The following TSNAX variants were observed in gnomAD, a reference collection of about 807,000 sequenced individuals.
The protein encoded by TSNAX is translin associated factor X.
TSNAX carries 12 observed loss-of-function variants against 33.0 expected under a neutral mutation model. The ratio of observed to expected loss-of-function variants is 0.36; its 90% confidence interval spans 0.23 to 0.59. The LOEUF (loss-of-function observed/expected upper bound fraction) is 0.59, where lower values mean the gene tolerates loss of function less well. Ranked by LOEUF, TSNAX falls within the 20% of genes least tolerant of loss-of-function variation. TSNAX has a pLI of 0.74. For synonymous variants in TSNAX, 110 were observed against 117.2 expected, an observed-to-expected ratio of 0.94 and a Z score of 0.40; for missense variants, 267 against 341.3, an observed-to-expected ratio of 0.78 and a Z score of 1.72.
intron 4 of TSNAX, among the ~76,000 whole-genome samples, chr1:231,552,556 CAG>C (rs1660390544): frequency 2.2e-5 from 1 of 44,928 alleles, no homozygotes; most frequent in African/African-American, 3.0e-4. Context: ...CATGTGGTAC[CAG>C]AGAAATAGTT....
At chr1:231,540,063 A>T (rs1318585300) in intron 3 of TSNAX, among the ~76,000 whole-genome samples, 1 of 150,896 alleles carries the variant, frequency 6.6e-6, no homozygotes, top group Non-Finnish European at 1.5e-5. Flanking sequence ...CATCCCAGCT[A>T]CTCGGGAGGC....
intron 4 of TSNAX, among the ~76,000 whole-genome samples, chr1:231,543,763 A>C (rs1222697704): frequency 6.6e-6 from 1 of 152,228 alleles, no homozygotes; most frequent in African/African-American, 2.4e-5. Flanking sequence ...AGTGTAAAAC[A>C]GTTCTGTGAG....
chr1:231,545,022 TCTGTAAAAAG>T (rs1173933753), intron 4 of TSNAX, among the ~76,000 whole-genome samples: 3 of 152,222 alleles, frequency 2.0e-5, no homozygotes, highest in African/African-American at 7.2e-5. Context: ...CTGTATCTTT[TCTGTAAAAAG>T]TCTTTAAAAT....
At chr1:231,548,822 A>G (rs1016363596) in intron 4 of TSNAX, among the ~76,000 whole-genome samples, 1 of 152,246 alleles carries the variant, frequency 6.6e-6, no homozygotes, top group Non-Finnish European at 1.5e-5. Flanking sequence ...TATAAATTGT[A>G]GTTAATTTTA....
At chr1:231,564,408 T>C in intron 5 of TSNAX, 120 bp from the exon 6 acceptor site, 2 of 1,472,280 alleles carry the variant, frequency 1.4e-6, no homozygotes, top group South Asian at 3.1e-5. Flanking sequence ...GTATGACTGA[T>C]TTGCTATTGA....
At chr1:231,560,072 C>T (rs957402247) in intron 4 of TSNAX, among the ~76,000 whole-genome samples, 11 of 151,162 alleles carry the variant, frequency 7.3e-5, no homozygotes, top group Non-Finnish European at 1.0e-4. Context: ...CTCTGCTTCC[C>T]GGGTTCACGC....
At chr1:231,555,045 T>C (rs1008607724) in intron 4 of TSNAX, among the ~76,000 whole-genome samples, 4 of 152,218 alleles carry the variant, frequency 2.6e-5, no homozygotes, top group African/African-American at 7.2e-5. Flanking sequence ...AAAAAGTTTG[T>C]TGAGGGCTTC....
chr1:231,556,766 T>A (rs921147099), intron 4 of TSNAX, among the ~76,000 whole-genome samples: 1 of 152,250 alleles, frequency 6.6e-6, no homozygotes, highest in African/African-American at 2.4e-5. Flanking sequence ...AAAGCAGTGC[T>A]ATTTTTTGCT....
intron 3 of TSNAX, among the ~76,000 whole-genome samples, chr1:231,538,239 T>G (rs1328058597): frequency 6.6e-6 from 1 of 152,192 alleles, no homozygotes; most frequent in Non-Finnish European, 1.5e-5. Flanking sequence ...TAAAAGAAAC[T>G]AACTTAAACT....
chr1:231,537,248 T>C lies in TSNAX; in HGVS notation c.157T>C (p.Tyr53His). 6.2e-7 allele frequency: 1 copy of C among 1,613,482 alleles called. No individual in the cohort carries two copies. Among genetic ancestry groups the C allele is most frequent in the South Asian group, 1.1e-5 (1 of 90,988 alleles). ...QQELDARHDK[Y>H]ERLVKLSRDI... ...GGAACTTGATGCAAGGCATGACAAA[T>C]ATGAGAGACTTGTGAAACTTAGTCG... Residue 53 changes from tyrosine to histidine, a missense_variant, in exon 3 of 6, where the codon TAT becomes CAT. By Grantham distance (83) the Tyr-to-His change is moderately conservative (BLOSUM62 2). Around this residue, in one of 2 missense-constraint regions of TSNAX, gnomAD observed 200 missense variants for 214.1 expected, o/e 0.93. Transcript: ENST00000366639.
At chr1:231,551,987 G>A (rs904855321) in intron 4 of TSNAX, among the ~76,000 whole-genome samples, 1 of 151,446 alleles carries the variant, frequency 6.6e-6, no homozygotes, top group Non-Finnish European at 1.5e-5. Context: ...GCAAGATCAT[G>A]TCTCTTTTTA....
At chr1:231,560,245 C>T (rs1439186065) in intron 4 of TSNAX, among the ~76,000 whole-genome samples, 1 of 151,938 alleles carries the variant, frequency 6.6e-6, no homozygotes, top group Admixed American at 6.6e-5. Context: ...TCCCAAAGTG[C>T]TGGGATTACA....
rs762977792 is a variant in TSNAX, at chr1:231,537,254, A to G, written c.163A>G (p.Arg55Gly). ...TGATGCAAGGCATGACAAATATGAG[A>G]GACTTGTGAAACTTAGTCGGGATAT... ...ELDARHDKYE[R>G]LVKLSRDITV... The change falls in exon 3 of 6, where the codon AGA becomes GGA. Residue 55 changes from arginine to glycine, a missense_variant. By Grantham distance (125) the Arg-to-Gly change is moderately radical. This residue lies in a region of TSNAX where 200 missense variants were observed against 214.1 expected (regional missense o/e 0.93). Coordinates refer to ENST00000366639, the MANE Select transcript of TSNAX (RefSeq NM_005999.3). 6 of 1,613,618 alleles carry G rather than the reference A, an allele frequency of 3.7e-6. No homozygotes were observed. The highest frequency in any genetic ancestry group is 5.1e-6 in the Non-Finnish European group (6 of 1,179,862).
At chr1:231,544,335 T>G (rs947818406) in intron 4 of TSNAX, among the ~76,000 whole-genome samples, 6 of 152,248 alleles carry the variant, frequency 3.9e-5, no homozygotes, top group Non-Finnish European at 8.8e-5. Flanking sequence ...TATCATTTTT[T>G]CTATCACATC....
intron 4 of TSNAX, among the ~76,000 whole-genome samples, chr1:231,560,262 A>G (rs964490065): frequency 3.9e-5 from 6 of 152,096 alleles, no homozygotes; most frequent in African/African-American, 1.4e-4. Context: ...TACAGGCGTG[A>G]GCCATCGTGA....
chr1:231,563,964 A>G (rs1458073274), intron 5 of TSNAX, among the ~76,000 whole-genome samples: 1 of 152,186 alleles, frequency 6.6e-6, no homozygotes, highest in Non-Finnish European at 1.5e-5. Context: ...TAAAGGACTA[A>G]TGAGTATATT....
chr1:231,557,471 T>A (rs1183530315), intron 4 of TSNAX, among the ~76,000 whole-genome samples: 1 of 152,186 alleles, frequency 6.6e-6, no homozygotes, highest in Non-Finnish European at 1.5e-5. Flanking sequence ...TATTTTGTTT[T>A]AGAGATGTAC....
chr1:231,565,105 A>G lies in TSNAX; in HGVS notation c.*200A>G. On this transcript the variant is annotated 3_prime_UTR_variant, in exon 6 of 6. Coordinates refer to ENST00000366639, the MANE Select transcript of TSNAX (RefSeq NM_005999.3). ...TTATATCTTATTCATGAAAGTTTGC[A>G]TACAGATGTTTGCATATATGCCTTT... The G allele has an allele frequency of 1.5e-6, 1 of 666,080 alleles. No individual in the cohort carries two copies. Among genetic ancestry groups the G allele is most frequent in the Non-Finnish European group, 2.4e-6 (1 of 420,672 alleles). The allele number at this position is 666,080 out of a possible 1,614,324, so 41.3% of individuals were successfully genotyped here. A position where few individuals can be genotyped will look rare whatever the true frequency, so the allele number is the denominator to read the frequency against.
At chr1:231,538,720 A>G (rs960817658) in intron 3 of TSNAX, among the ~76,000 whole-genome samples, 4 of 152,148 alleles carry the variant, frequency 2.6e-5, no homozygotes, top group African/African-American at 7.2e-5. Flanking sequence ...TTGCCCGGGC[A>G]TGGTGGCTCA....
Sources: allele counts gnomAD v4.1 joint callset (sites outside exome capture counted in the v4.1 genomes callset), GRCh38; gene constraint gnomAD v4.1.1; regional missense constraint gnomAD v4.1.1; transcripts MANE v1.5; gene names NCBI Gene and HGNC (gene_info 2026-07-23, HGNC 2026-07-21).